Variants in NRXN1 observed in about 807,000 individuals in gnomAD.
NRXN1 encodes neurexin 1.
Under a neutral mutation model 150.9 loss-of-function variants are expected in NRXN1, and 39 were observed. That is an observed-to-expected ratio of 0.26 (90% CI 0.20 to 0.34). The LOEUF (loss-of-function observed/expected upper bound fraction) is 0.34. Among genes scored for constraint, NRXN1 ranks in the 10% least tolerant of loss-of-function variants. The pLI is 1.00. For missense variants in NRXN1, 1,815 were observed against 1,949.9 expected, an observed-to-expected ratio of 0.93 and a Z score of 1.30; for synonymous variants, 924 against 757.0, an observed-to-expected ratio of 1.22 and a Z score of -3.62.
chr2:49,949,671 C>T lies in NRXN1; in HGVS notation c.4129-5880G>A, dbSNP rs139659619. ...TTGAAAGTTTATTTCTAAACAGCAA[C>T]AGTGTATCCTGCTATACCTCTAAAT... On this transcript the variant is annotated intron_variant, in intron 21 of 22. Coordinates refer to ENST00000401669, the MANE Select transcript of NRXN1 (RefSeq NM_001330078.2). Among the ~76,000 whole-genome samples the T allele has an allele frequency of 6.2e-4, 90 of 144,456 alleles. 2 individuals carry two copies. In the East Asian group the frequency reaches 0.017, roughly 27 times the overall value. 94.8% of individuals were successfully genotyped at this position (144,456 alleles called of 152,430 possible). A position where few individuals can be genotyped will look rare whatever the true frequency, so the allele number is the denominator to read the frequency against.
chr2:50,229,484 G>T (rs1168063176), intron 18 of NRXN1, among the ~76,000 whole-genome samples: 1 of 151,794 alleles, frequency 6.6e-6, no homozygotes, highest in South Asian at 2.1e-4. Flanking sequence ...GTTCTGCAAA[G>T]CCTCCTTAAT....
At chr2:50,278,254 A>G (rs1209275379) in intron 17 of NRXN1, among the ~76,000 whole-genome samples, 4 of 114,800 alleles carry the variant, frequency 3.5e-5, no homozygotes, top group Non-Finnish European at 5.0e-5. Flanking sequence ...ATATATATAT[A>G]TTATATATAT....
chr2:50,099,204 G>GTGTT (rs1047554367), intron 18 of NRXN1, among the ~76,000 whole-genome samples: 2 of 151,906 alleles, frequency 1.3e-5, no homozygotes, highest in Non-Finnish European at 2.9e-5. Context: ...ACTGCCTTAG[G>GTGTT]TGTTAGTTTT....
At chr2:50,705,375 T>C (rs1694295591) in intron 5 of NRXN1, among the ~76,000 whole-genome samples, 1 of 152,154 alleles carries the variant, frequency 6.6e-6, no homozygotes, top group Admixed American at 6.6e-5. Flanking sequence ...TCAATAATTA[T>C]GTTAAACCTA....
chr2:49,977,770 T>G (rs904882867), intron 21 of NRXN1, among the ~76,000 whole-genome samples: 2 of 152,196 alleles, frequency 1.3e-5, no homozygotes, highest in African/African-American at 4.8e-5. Context: ...CTGTTCTTCA[T>G]AGGTTTTTTA....
At chr2:50,138,135 C>T (rs1174447649) in intron 18 of NRXN1, among the ~76,000 whole-genome samples, 2 of 152,170 alleles carry the variant, frequency 1.3e-5, no homozygotes, top group Non-Finnish European at 2.9e-5. Context: ...GCTAATTACA[C>T]TTAGAATTAC....
At chr2:50,888,367 T>C (rs1352753428) in intron 5 of NRXN1, among the ~76,000 whole-genome samples, 1 of 151,576 alleles carries the variant, frequency 6.6e-6, no homozygotes, top group African/African-American at 2.4e-5. Context: ...ACTGATTTCA[T>C]GTTTGCAAGG....
chr2:50,339,228 C>A (rs1002434458), intron 17 of NRXN1, among the ~76,000 whole-genome samples: 2 of 151,962 alleles, frequency 1.3e-5, no homozygotes, highest in Non-Finnish European at 2.9e-5. Context: ...TTTTTTCTTT[C>A]TTTATAGTTG....
At chr2:50,592,171 C>A (rs1452192440) in intron 8 of NRXN1, among the ~76,000 whole-genome samples, 1 of 152,206 alleles carries the variant, frequency 6.6e-6, no homozygotes. Context: ...CTCTAATTAC[C>A]ACTAATTTAC....
chr2:50,436,286 T>C (rs535873902), intron 17 of NRXN1, among the ~76,000 whole-genome samples: 1 of 152,160 alleles, frequency 6.6e-6, no homozygotes, highest in Admixed American at 6.5e-5. Context: ...AAACCGCGTC[T>C]CTACTAAAAA....
chr2:51,028,004 C>T lies in NRXN1; in HGVS notation c.270G>A (p.Gln90=). The T allele has an allele frequency of 6.3e-7, 1 of 1,599,736 alleles. No individual in the cohort carries two copies. Among genetic ancestry groups the T allele is most frequent in the Non-Finnish European group, 8.5e-7 (1 of 1,178,024 alleles). The change falls in exon 2 of 23, where the codon CAG becomes CAA. Residue 90 remains glutamine (Q), a synonymous_variant. Coordinates refer to ENST00000401669, the MANE Select transcript of NRXN1 (RefSeq NM_001330078.2). The part of the protein sequence containing the change: ...ELILTRGGRL[Q]LSFSIFCAEP... ...CAGCGCAGAAGATGGAGAAGCTGAG[C>T]TGCAGGCGGCCGCCGCGCGTCAGAA... is the stretch of plus-strand genomic sequence containing the variant.
intron 17 of NRXN1, among the ~76,000 whole-genome samples, chr2:50,384,435 G>C (rs1275434756): frequency 6.7e-6 from 1 of 148,290 alleles, no homozygotes; most frequent in Non-Finnish European, 1.5e-5. Flanking sequence ...GAACTCAAGA[G>C]GTGGAGGTTG....
At chr2:50,568,351 G>A (rs752988503) in intron 8 of NRXN1, among the ~76,000 whole-genome samples, 2 of 152,110 alleles carry the variant, frequency 1.3e-5, no homozygotes, top group Non-Finnish European at 2.9e-5. Flanking sequence ...ACAAAGTGAA[G>A]AGACAACCCA....
rs1421708757 is a variant in NRXN1, at chr2:50,000,446, A to G, written c.4128+52825T>C. ...AATATTATGTGATATCCATTTTACT[A>G]ATTTCATCCAGCACACAAATTTGCT... On this transcript the variant is annotated intron_variant, in intron 21 of 22. Coordinates refer to ENST00000401669, the MANE Select transcript of NRXN1 (RefSeq NM_001330078.2). 3.3e-5 allele frequency among the ~76,000 whole-genome samples: 5 copies of G among 152,182 alleles called. No individual in the cohort carries two copies. The East Asian group carries it at 9.7e-4, about 29-fold the overall frequency.
At chr2:50,998,381 T>G (rs1699596512) in intron 2 of NRXN1, among the ~76,000 whole-genome samples, 1 of 106,190 alleles carries the variant, frequency 9.4e-6, no homozygotes, top group East Asian at 2.5e-4. Context: ...CCATTTCTTG[T>G]GTAGCACCCA....
chr2:50,265,285 T>C (rs1181220838), intron 17 of NRXN1, among the ~76,000 whole-genome samples: 1 of 152,136 alleles, frequency 6.6e-6, no homozygotes, highest in African/African-American at 2.4e-5. Context: ...GATCTTGAAT[T>C]CCCAGAAACA....
intron 5 of NRXN1, among the ~76,000 whole-genome samples, chr2:50,753,967 G>GA (rs991877746): frequency 1.4e-5 from 2 of 141,550 alleles, no homozygotes; most frequent in African/African-American, 5.3e-5. Flanking sequence ...TTTTTTTTGG[G>GA]GGGGGGCGGA....
At chr2:50,542,834 T>C (rs996442567) in intron 9 of NRXN1, among the ~76,000 whole-genome samples, 8 of 152,132 alleles carry the variant, frequency 5.3e-5, no homozygotes, top group Middle Eastern at 3.2e-3. Context: ...TCAAAGAACA[T>C]ATTCACCTAG....
intron 22 of NRXN1, among the ~76,000 whole-genome samples, chr2:49,922,935 A>G (rs916182629): frequency 6.6e-6 from 1 of 152,208 alleles, no homozygotes; most frequent in African/African-American, 2.4e-5. Context: ...GTAATAAAAT[A>G]TTCTTTCTCA....
Sources: allele counts gnomAD v4.1 joint callset (sites outside exome capture counted in the v4.1 genomes callset), GRCh38; gene constraint gnomAD v4.1.1; transcripts MANE v1.5; gene names NCBI Gene and HGNC (gene_info 2026-07-23, HGNC 2026-07-21).